The following MTA3 variants were observed in gnomAD, a reference collection of about 807,000 sequenced individuals.
MTA3 encodes metastasis associated 1 family member 3, also known as metastasis-associated protein MTA3.
Under a neutral mutation model 83.5 loss-of-function variants are expected in MTA3, and 34 were observed. That is an observed-to-expected ratio of 0.41 (90% CI 0.31 to 0.54). MTA3 has a LOEUF of 0.54. Ranked by LOEUF, MTA3 falls within the 20% of genes least tolerant of loss-of-function variation. The pLI is 0.33. For missense variants in MTA3, 761 were observed against 726.4 expected, an observed-to-expected ratio of 1.05 and a Z score of -0.55; for synonymous variants, 303 against 252.7, an observed-to-expected ratio of 1.20 and a Z score of -1.89.
At chr2:42,543,042 A>G in intron 2 of MTA3, among the ~76,000 whole-genome samples, 1 of 152,046 alleles carries the variant, frequency 6.6e-6, no homozygotes, top group East Asian at 1.9e-4. Flanking sequence ...GATTGGTCCA[A>G]GAGCTCAGGA....
At chr2:42,585,415 A>C (rs1247524442) in intron 3 of MTA3, among the ~76,000 whole-genome samples, 1 of 151,384 alleles carries the variant, frequency 6.6e-6, no homozygotes, top group Non-Finnish European at 1.5e-5. Context: ...AAAAAGAAAA[A>C]CATTGTAAGT....
chr2:42,574,702 A>G (rs1441932333), intron 2 of MTA3, among the ~76,000 whole-genome samples: 1 of 152,210 alleles, frequency 6.6e-6, no homozygotes, highest in Non-Finnish European at 1.5e-5. Flanking sequence ...CTGGGATTAC[A>G]GGCGTGAACC....
At chr2:42,606,959 T>G (rs1214621431) in intron 3 of MTA3, among the ~76,000 whole-genome samples, 2 of 150,316 alleles carry the variant, frequency 1.3e-5, no homozygotes, top group Admixed American at 1.3e-4. Flanking sequence ...ATCGCAGGCA[T>G]TCGGCAGACT....
intron 2 of MTA3, among the ~76,000 whole-genome samples, chr2:42,559,495 T>C (rs1315590325): frequency 6.7e-6 from 1 of 149,472 alleles, no homozygotes; most frequent in East Asian, 2.0e-4. Flanking sequence ...GAGCGAGACC[T>C]TGTCTCAAAA....
At chr2:42,547,703 C>G (rs1037423676) in intron 2 of MTA3, among the ~76,000 whole-genome samples, 6 of 152,208 alleles carry the variant, frequency 3.9e-5, no homozygotes, top group Non-Finnish European at 8.8e-5. Context: ...GCTATTGTTA[C>G]AGGCGCATAC....
intron 8 of MTA3, among the ~76,000 whole-genome samples, chr2:42,672,949 C>T (rs536727643): frequency 2.3e-4 from 34 of 150,108 alleles, no homozygotes; most frequent in Middle Eastern, 3.4e-3. Context: ...TGGGTTCACG[C>T]GATTCTCCTG....
intron 15 of MTA3, among the ~76,000 whole-genome samples, chr2:42,720,969 A>AAAAAAG (rs1192977985): frequency 6.7e-6 from 1 of 150,172 alleles, no homozygotes; most frequent in African/African-American, 2.5e-5. Flanking sequence ...AAAAAAAAAA[A>AAAAAAG]AAAAAGAAAA....
intron 8 of MTA3, among the ~76,000 whole-genome samples, chr2:42,670,418 T>C (rs1012292562): frequency 1.3e-5 from 2 of 152,206 alleles, no homozygotes; most frequent in Admixed American, 6.5e-5. Flanking sequence ...TTAGAGAATT[T>C]AGTTTAAGCA....
At chr2:42,657,101 T>C (rs533840220) in intron 7 of MTA3, among the ~76,000 whole-genome samples, 1 of 152,340 alleles carries the variant, frequency 6.6e-6, no homozygotes, top group African/African-American at 2.4e-5. Flanking sequence ...TATAGGGAAC[T>C]CTAACAAATT....
chr2:42,634,549 C>T (rs1291055820), intron 4 of MTA3, among the ~76,000 whole-genome samples: 1 of 152,182 alleles, frequency 6.6e-6, no homozygotes, highest in Non-Finnish European at 1.5e-5. Context: ...GTGATCCAAT[C>T]ACCACCCACT....
chr2:42,553,223 AGAC>A (rs1677202037), intron 2 of MTA3, among the ~76,000 whole-genome samples: 1 of 151,670 alleles, frequency 6.6e-6, no homozygotes, highest in Non-Finnish European at 1.5e-5. Context: ...CAGGAGATCG[AGAC>A]AATCCTGGCT....
chr2:42,732,934 A>T (rs1668334952), intron 16 of MTA3, among the ~76,000 whole-genome samples: 1 of 152,150 alleles, frequency 6.6e-6, no homozygotes, highest in African/African-American at 2.4e-5. Context: ...CTCAGCCTGG[A>T]CCTTTTTGTC....
chr2:42,672,369 G>A (rs1224586194), intron 8 of MTA3, among the ~76,000 whole-genome samples: 1 of 151,072 alleles, frequency 6.6e-6, no homozygotes, highest in African/African-American at 2.4e-5. Context: ...TAGGCCAGGT[G>A]CAGTGGCTCA....
At chr2:42,744,950 AT>A (rs2104591239) in intron 16 of MTA3, among the ~76,000 whole-genome samples, 1 of 152,280 alleles carries the variant, frequency 6.6e-6, no homozygotes, top group South Asian at 2.1e-4. Flanking sequence ...AAATGGAAGA[AT>A]TTGTCACAGT....
chr2:42,546,945 C>T lies in MTA3; in HGVS notation c.-140-23492C>T, dbSNP rs1478267019. 7.9e-5 allele frequency among the ~76,000 whole-genome samples: 12 copies of T among 152,160 alleles called. 1 individual carries two copies. Among genetic ancestry groups the T allele is most frequent in the Admixed American group, 7.9e-4 (12 of 15,270 alleles). On this transcript the variant is annotated intron_variant, in intron 2 of 17. Coordinates refer to the MTA3 transcript ENST00000405592. ...TGTCACAGGGATCTTATTGCTAGAG[C>T]TTTACAGAGGTGGTAAGAAACTGCG...
chr2:42,682,583 A>G lies in MTA3; in HGVS notation c.885A>G (p.Gln295=). 1 of 1,608,132 alleles carries G rather than the reference A, an allele frequency of 6.2e-7. No homozygotes were observed. The highest frequency in any genetic ancestry group is 8.5e-7 in the Non-Finnish European group (1 of 1,177,216). The stretch of plus-strand genomic sequence containing the variant: ...GCAAAGACTTCAATGACATACGGCA[A>G]GATTTTGTAAGTAGAAAATTATGAG... ...KYGKDFNDIR[Q]DFLPWKSLTS... Residue 295 remains glutamine, a synonymous_variant, in exon 9 of 17, where the codon CAA becomes CAG. Transcript: ENST00000405094.
chr2:42,747,181 G>A (rs1008966139), intron 16 of MTA3, among the ~76,000 whole-genome samples: 30 of 152,142 alleles, frequency 2.0e-4, no homozygotes, highest in African/African-American at 7.0e-4. Flanking sequence ...TGTATTTTTA[G>A]TAGAGACGGG....
At position 42,715,877 on chromosome 2, in the gene MTA3, A is replaced by G. The variant is rs553720295; in HGVS notation, c.1526-3111A>G. On this transcript the variant is annotated intron_variant, in intron 14 of 16. Transcript: ENST00000405094. ...GATTGCCTTTGTCAAGACATTGAGG[A>G]AATAACCAAGATGACTCATTCCAGC... Among the ~76,000 whole-genome samples, 5 of 152,332 alleles carry G rather than the reference A, an allele frequency of 3.3e-5. No homozygotes were observed. The East Asian group carries it at 9.6e-4, about 29-fold the overall frequency.
intron 2 of MTA3, among the ~76,000 whole-genome samples, chr2:42,538,869 G>C (rs1367077212): frequency 6.7e-6 from 1 of 149,254 alleles, no homozygotes; most frequent in African/African-American, 2.5e-5. Flanking sequence ...CCGCTTCCCG[G>C]GTTCACGCCA....
Sources: gnomAD v4.1 joint callset for allele counts (sites outside exome capture counted in the v4.1 genomes callset) on GRCh38, gnomAD v4.1.1 for gene constraint, MANE v1.5 for transcripts, NCBI Gene and HGNC (gene_info 2026-07-23, HGNC 2026-07-21) for gene names.